C3orf49: variants seen among roughly 807,000 people sequenced by gnomAD.
C3orf49 encodes the protein chromosome 3 open reading frame 49, also known as putative uncharacterized protein C3orf49.
Under a neutral mutation model 13.3 loss-of-function variants are expected in C3orf49, and 27 were observed. The ratio of observed to expected loss-of-function variants is 2.02; its 90% CI spans 1.49 to 2.79. The LOEUF is 2.79. Among genes scored for constraint, C3orf49 ranks in the 30% most tolerant of loss-of-function variants. The pLI is 0.00. For synonymous variants in C3orf49, 87 were observed against 47.6 expected (o/e 1.83, Z -3.40); for missense variants, 242 against 134.2 (o/e 1.80, Z -3.97).
upstream of C3orf49, among the ~76,000 whole-genome samples, chr3:63,815,077 A>G (rs1401558088): frequency 1.3e-5 from 2 of 152,118 alleles, no homozygotes; most frequent in Non-Finnish European, 2.9e-5. Flanking sequence ...TCTTGCAAGA[A>G]CTCACTTGCT....
chr3:63,783,335 G>A, the C3orf49 span, among the ~76,000 whole-genome samples: 1 of 152,100 alleles, frequency 6.6e-6, no homozygotes, highest in Non-Finnish European at 1.5e-5. Context: ...TTATCTATGA[G>A]ATACTCTTGA....
chr3:63,826,406 T>C (rs1304333885), intron 2 of C3orf49, among the ~76,000 whole-genome samples: 4 of 151,886 alleles, frequency 2.6e-5, no homozygotes, highest in Non-Finnish European at 5.9e-5. Flanking sequence ...TAAGCATAGG[T>C]AGAAGTTACA....
chr3:63,839,674 G>A (rs1036756819), intron 5 of C3orf49: 9 of 1,612,130 alleles, frequency 5.6e-6, no homozygotes, highest in Non-Finnish European at 7.6e-6. Flanking sequence ...CTGGGACCCA[G>A]AGTTGCACCA....
At chr3:63,823,684 G>T (rs924639999) in intron 2 of C3orf49, 115 bp downstream of exon 2, 2 of 608,372 alleles carry the variant, frequency 3.3e-6, no homozygotes, top group East Asian at 5.5e-5. Flanking sequence ...CTGAAATGCA[G>T]AATCTCAGGC....
At chr3:63,808,373 C>A in the C3orf49 span, among the ~76,000 whole-genome samples, 1 of 152,194 alleles carries the variant, frequency 6.6e-6, no homozygotes, top group African/African-American at 2.4e-5. Flanking sequence ...TTCTGTCTAA[C>A]CCTGTGGTGT....
At chr3:63,796,159 G>C in the C3orf49 span, among the ~76,000 whole-genome samples, 1 of 151,960 alleles carries the variant, frequency 6.6e-6, no homozygotes, top group Non-Finnish European at 1.5e-5. Flanking sequence ...ATAATGAAAT[G>C]TTGGGAAAAA....
chr3:63,838,603 T>G (rs1028466692), intron 5 of C3orf49: 1 of 1,140,604 alleles, frequency 8.8e-7, no homozygotes, highest in Non-Finnish European at 1.2e-6. Context: ...TAGCAAGTTC[T>G]GAGAGAATCA....
chr3:63,837,864 T>C (rs1373767359), intron 5 of C3orf49: 8 of 884,496 alleles, frequency 9.0e-6, no homozygotes, highest in Non-Finnish European at 1.3e-5. Context: ...TTTGGATTTT[T>C]TTTAATCCAG....
chr3:63,800,033 G>C, the C3orf49 span, among the ~76,000 whole-genome samples: 1 of 152,184 alleles, frequency 6.6e-6, no homozygotes, highest in Non-Finnish European at 1.5e-5. Flanking sequence ...AGGATGGAAT[G>C]TACTAGAAGG....
At chr3:63,808,325 G>A in the C3orf49 span, among the ~76,000 whole-genome samples, 1 of 152,158 alleles carries the variant, frequency 6.6e-6, no homozygotes, top group African/African-American at 2.4e-5. Flanking sequence ...TGAAAGCTGG[G>A]TAAAAATAGT....
At chr3:63,838,273 GTTA>G (rs1701675311) in intron 5 of C3orf49, 1 of 988,126 alleles carries the variant, frequency 1.0e-6, no homozygotes, top group South Asian at 1.8e-5. Flanking sequence ...TACAGTAATT[GTTA>G]TTATTCTTTT....
At chr3:63,826,265 T>C (rs973751027) in intron 2 of C3orf49, among the ~76,000 whole-genome samples, 3 of 152,186 alleles carry the variant, frequency 2.0e-5, no homozygotes, top group African/African-American at 7.2e-5. Context: ...TATCTTTTAG[T>C]GTAGACTGGA....
At chr3:63,811,295 G>A in the C3orf49 span, among the ~76,000 whole-genome samples, 4 of 148,912 alleles carry the variant, frequency 2.7e-5, no homozygotes, top group South Asian at 2.2e-4. Flanking sequence ...GAGGTGCCTC[G>A]CACCTGTAAT....
chr3:63,821,072 ATTTCC>A (rs1444724217), intron 1 of C3orf49, among the ~76,000 whole-genome samples: 1 of 152,150 alleles, frequency 6.6e-6, no homozygotes, highest in Non-Finnish European at 1.5e-5. Flanking sequence ...CACATGAATT[ATTTCC>A]TTTTATTTTC....
rs1258934799 is a variant in C3orf49, at chr3:63,837,970, C to G, written c.849+6126C>G. 3.7e-6 allele frequency: 6 copies of G among 1,606,122 alleles called. No individual in the cohort carries two copies. In the African/African-American group the frequency reaches 4.0e-5, roughly 11 times the overall value. ...ATTTGCACATTAAATCCCTCAAAACCCTTACCTTGGCGATTTTTTCGTATT... is the reference window on the plus strand; with the variant it reads ...ATTTGCACATTAAATCCCTCAAAACGCTTACCTTGGCGATTTTTTCGTATT... On this transcript the variant is annotated intron_variant, in intron 5 of 6. Coordinates refer to ENST00000295896, the MANE Select transcript of C3orf49 (RefSeq NM_001355236.2).
chr3:63,834,007 C>T (rs990462888), intron 5 of C3orf49: 2 of 818,082 alleles, frequency 2.4e-6, no homozygotes, highest in African/African-American at 3.5e-5. Flanking sequence ...GAAATACATT[C>T]ATACTTAAAA....
At chr3:63,839,210 T>C (rs901049730) in intron 5 of C3orf49, among the ~76,000 whole-genome samples, 1 of 152,062 alleles carries the variant, frequency 6.6e-6, no homozygotes, top group Non-Finnish European at 1.5e-5. Flanking sequence ...AGATTAGATA[T>C]ACGTGTGTGC....
intron 1 of C3orf49, among the ~76,000 whole-genome samples, chr3:63,821,877 T>A (rs1286572930): frequency 6.6e-6 from 1 of 152,178 alleles, no homozygotes; most frequent in African/African-American, 2.4e-5. Flanking sequence ...TCTGACTGTT[T>A]CAGTGTCAAT....
At chr3:63,822,511 C>T (rs1701412201) in intron 1 of C3orf49, among the ~76,000 whole-genome samples, 1 of 152,182 alleles carries the variant, frequency 6.6e-6, no homozygotes, top group Admixed American at 6.5e-5. Flanking sequence ...ATTATTTAAT[C>T]TCTCCAAGCT....
Sources: gnomAD v4.1 joint callset for allele counts (sites outside exome capture counted in the v4.1 genomes callset) on GRCh38, gnomAD v4.1.1 for gene constraint, MANE v1.5 for transcripts, NCBI Gene and HGNC (gene_info 2026-07-23, HGNC 2026-07-21) for gene names.